Variants in NAALADL1 observed in about 807,000 individuals in gnomAD.
NAALADL1 encodes the protein N-acetylated alpha-linked acidic dipeptidase like 1.
In NAALADL1, 77 loss-of-function variants were observed where a neutral mutation model predicts 82.8. The ratio of observed to expected loss-of-function variants is 0.93; its 90% CI spans 0.77 to 1.12. The LOEUF is 1.12. Among genes scored for constraint, NAALADL1 ranks in the 50% most tolerant of loss-of-function variants. The pLI is 0.00. For synonymous variants in NAALADL1, 358 were observed against 399.2 expected, an observed-to-expected ratio of 0.90 and a Z score of 1.23; for missense variants, 956 against 964.0, an observed-to-expected ratio of 0.99 and a Z score of 0.11.
Position 65,058,415 on chromosome 11 carries a change from G to A in NAALADL1, c.107C>T (p.Ala36Val), listed in dbSNP as rs1401859699. ...GATCTCCAGGTCCAGGTCCTGGGGGGCCAGTGAGTTGGCTTTTTTGGGGAT... is the reference window on the plus strand; with the variant it reads ...GATCTCCAGGTCCAGGTCCTGGGGGACCAGTGAGTTGGCTTTTTTGGGGAT... ...FAIPKKANSL[A>V]PQDLDLEILE... Residue 36 changes from alanine to valine, a missense_variant, in exon 1 of 18, where the codon GCC (alanine) becomes GTC (valine). By Grantham distance (64) the Ala-to-Val change is moderately conservative. Coordinates refer to ENST00000358658, the MANE Select transcript of NAALADL1 (RefSeq NM_005468.3). 3.1e-6 allele frequency: 5 copies of A among 1,614,026 alleles called. No individual in the cohort carries two copies. The highest frequency in any genetic ancestry group is 4.2e-6 in the Non-Finnish European group (5 of 1,180,006).
rs1195799955 is a variant in NAALADL1, at chr11:65,048,207, G to A, written c.1293C>T (p.Phe431=). ...IGSTEFTEEF[F]NKLQERTVAY... ...CCACCGTGCGCTCCTGCAGCTTGTTGAAGAACTCCTGCGGGTGCGAGGGGC... is the reference window on the plus strand; with the variant it reads ...CCACCGTGCGCTCCTGCAGCTTGTTAAAGAACTCCTGCGGGTGCGAGGGGC... Residue 431 remains phenylalanine (F), a synonymous_variant, in exon 10 of 18, where the codon TTC becomes TTT. Transcript: ENST00000358658. 6.2e-7 allele frequency: 1 copy of A among 1,613,692 alleles called. No homozygotes were observed. The highest frequency in any genetic ancestry group is 1.3e-5 in the African/African-American group (1 of 74,790).
chr11:65,049,763 A>T (rs1026708632), intron 8 of NAALADL1, among the ~76,000 whole-genome samples: 28 of 152,230 alleles, frequency 1.8e-4, no homozygotes, highest in Admixed American at 1.4e-3. Context: ...GTCCCAGCTA[A>T]TCAGGAAGCT....
chr11:65,058,212 C>G lies in NAALADL1; in HGVS notation c.224G>C (p.Arg75Pro). 1.2e-6 allele frequency: 2 copies of G among 1,613,600 alleles called. No individual in the cohort carries two copies. Among genetic ancestry groups the G allele is most frequent in the Non-Finnish European group, 1.7e-6 (2 of 1,179,798 alleles). ...SREPHLASSP[R>P]DEDLVQLLLQ... The stretch of plus-strand genomic sequence containing the variant: ...CAGCAGCTGCACCAGGTCCTCATCC[C>G]GAGGGCTGGAGGCCAGGTGTGGCTC... Residue 75 changes from arginine to proline, a missense_variant, in exon 2 of 18, where the codon CGG becomes CCG. Transcript: ENST00000358658.
upstream of NAALADL1, chr11:65,058,644 GGAGA>G: frequency 2.2e-6 from 2 of 896,416 alleles, no homozygotes; most frequent in African/African-American, 1.7e-5. Context: ...CAGCTGGCAG[GGAGA>G]GTGAGGGAAC....
At chr11:65,048,490 G>C in intron 8 of NAALADL1, 105 bp from the exon 9 acceptor site, 1 of 1,292,918 alleles carries the variant, frequency 7.7e-7, no homozygotes, top group Non-Finnish European at 1.1e-6. Flanking sequence ...AAAAGGCGGG[G>C]CAGCTGGTGA....
intron 11 of NAALADL1, 75 bp downstream of exon 11, chr11:65,047,906 C>CCCCCCA: frequency 7.7e-7 from 1 of 1,292,240 alleles, no homozygotes; most frequent in Non-Finnish European, 1.1e-6. Flanking sequence ...CAGCCCCGCC[C>CCCCCCA]ACCCGTAGCG....
chr11:65,053,622 GC>G lies in NAALADL1; in HGVS notation c.993-47del. 2 of 1,506,590 alleles carry G rather than the reference GC, an allele frequency of 1.3e-6. No individual in the cohort carries two copies. The highest frequency in any genetic ancestry group is 1.8e-6 in the Non-Finnish European group (2 of 1,112,054). 93.3% of individuals were successfully genotyped at this position (1,506,590 alleles called of 1,614,324 possible). On this transcript the variant is annotated intron_variant, in intron 6 of 17. Transcript: ENST00000358658. The surrounding 1 kb of genome is among the most constrained non-coding windows in gnomAD (Gnocchi z 4.3). ...GAGAAGACTCTTGGCCTTGCCCACT[GC>G]CCCCGACCCAGTGCAGGAGACACTG...
chr11:65,046,068 G>C lies in NAALADL1; in HGVS notation c.1902C>G (p.Ala634=), dbSNP rs779447723. ...AVEKFEAEAA[A]LGQRISTLQK... ...GCAGTGTTGATATGCGTTGGCCCAAGGCTGCAGCTTCTGCCTCAAACTTCT... is the reference window on the plus strand; with the variant it reads ...GCAGTGTTGATATGCGTTGGCCCAACGCTGCAGCTTCTGCCTCAAACTTCT... Residue 634 remains alanine (A), a synonymous_variant, in exon 16 of 18, where the codon GCC becomes GCG. Coordinates refer to ENST00000358658, the MANE Select transcript of NAALADL1 (RefSeq NM_005468.3). 6.2e-7 allele frequency: 1 copy of C among 1,614,088 alleles called. No individual in the cohort carries two copies. Among genetic ancestry groups the C allele is most frequent in the Non-Finnish European group, 8.5e-7 (1 of 1,180,036 alleles).
At position 65,053,251 on chromosome 11, in the gene NAALADL1, G is replaced by A. The variant is rs1001496584; in HGVS notation, c.1165C>T (p.Leu389Phe). The A allele has an allele frequency of 1.9e-6, 3 of 1,553,522 alleles. No individual in the cohort carries two copies. The highest frequency in any genetic ancestry group is 3.9e-5 in the Admixed American group (2 of 51,022). Residue 389 changes from leucine to phenylalanine, a missense_variant, in exon 8 of 18, where the codon CTC becomes TTC. Leu to Phe is a conservative substitution (Grantham distance 22). Coordinates refer to ENST00000358658, the MANE Select transcript of NAALADL1 (RefSeq NM_005468.3). This position sits in a 1 kb window ranked among gnomAD's most constrained non-coding sequence, Gnocchi z 4.3. ...AGCAGGGTCCCCAGGACACGGGAGAGCTCCAGGAGGACGGCGGTGCCACTG... is the reference window on the plus strand; with the variant it reads ...AGCAGGGTCCCCAGGACACGGGAGAACTCCAGGAGGACGGCGGTGCCACTG... ...PSSGTAVLLE[L>F]SRVLGTLLKK...
chr11:65,047,547 A>T lies in NAALADL1; in HGVS notation c.1527T>A (p.Ala509=). 1.3e-6 allele frequency: 2 copies of T among 1,572,102 alleles called. No individual in the cohort carries two copies. Among genetic ancestry groups the T allele is most frequent in the South Asian group, 2.3e-5 (2 of 85,602 alleles). ...GAACGAAGGGTGCATAGTCGCTGCC[A>T]GCACCCAGAGAACCCAAGCTGCGGG... ...GLVPSLGSLG[A]GSDYAPFVHF... Residue 509 remains alanine (A), a synonymous_variant, in exon 13 of 18, where the codon GCT becomes GCA. Transcript: ENST00000358658.
intron 4 of NAALADL1, 143 bp downstream of exon 4, chr11:65,057,228 C>T (rs1947062677): frequency 7.9e-7 from 1 of 1,273,424 alleles, no homozygotes; most frequent in Non-Finnish European, 1.1e-6. Context: ...AACCCGAAAA[C>T]ACCTTGCCTT....
At chr11:65,057,737 G>A (rs1202983213) in intron 3 of NAALADL1, 138 bp downstream of exon 3, 52 of 1,361,122 alleles carry the variant, frequency 3.8e-5, no homozygotes, top group Non-Finnish European at 4.9e-5. Flanking sequence ...AAGGAGCAGC[G>A]ATGGAGTGTC....
chr11:65,058,278 G>A, intron 1 of NAALADL1, 28 bp from the exon 2 acceptor site: 1 of 1,613,800 alleles, frequency 6.2e-7, no homozygotes, highest in Admixed American at 1.7e-5. Flanking sequence ...GGAGGGGCAG[G>A]GCCAGCATCA....
chr11:65,056,171 C>G (rs1947034097), intron 4 of NAALADL1, among the ~76,000 whole-genome samples: 1 of 152,032 alleles, frequency 6.6e-6, no homozygotes, highest in Non-Finnish European at 1.5e-5. Flanking sequence ...AGGCATGAGC[C>G]ACCGCGTCCA....
chr11:65,045,075 C>T lies in NAALADL1; in HGVS notation c.*196G>A, dbSNP rs945812712. ...CCTGTCCCCTGCTGCCCACCCTCTG[C>T]CACCTAAGCACCAGGATGAGGGTGA... is the stretch of plus-strand genomic sequence containing the variant. On this transcript the variant is annotated 3_prime_UTR_variant, in exon 18 of 18. Coordinates refer to ENST00000358658, the MANE Select transcript of NAALADL1 (RefSeq NM_005468.3). 3.6e-5 allele frequency: 24 copies of T among 663,250 alleles called. No individual in the cohort carries two copies. The African/African-American group carries it at 4.2e-4, about 12-fold the overall frequency. The allele number at this position is 663,250 out of a possible 1,614,324, so 41.1% of individuals were successfully genotyped here. A position where few individuals can be genotyped will look rare whatever the true frequency, so the allele number is the denominator to read the frequency against.
chr11:65,045,490 G>C, intron 17 of NAALADL1, 33 bp from the exon 18 acceptor site: 1 of 1,563,862 alleles, frequency 6.4e-7, no homozygotes, highest in Admixed American at 1.8e-5. Flanking sequence ...ATCAGGGTCA[G>C]TCAGTCAGGG....
At chr11:65,047,955 GC>G in intron 11 of NAALADL1, 25 bp downstream of exon 11, 1 of 1,376,746 alleles carries the variant, frequency 7.3e-7, no homozygotes, top group Non-Finnish European at 9.6e-7. Flanking sequence ...AGCTAGTTCA[GC>G]CCCGCCCGGC....
Position 65,053,756 on chromosome 11 carries a change from A to G in NAALADL1, c.993-180T>C, listed in dbSNP as rs1367398015. On this transcript the variant is annotated intron_variant, in intron 6 of 17. Transcript: ENST00000358658. The surrounding 1 kb of genome is among the most constrained non-coding windows in gnomAD (Gnocchi z 4.3). ...TCTCCTGCCTACTCGCTGGGTAGGT[A>G]CTTATTGGGTACTTAGTCCCTGACT... is the stretch of plus-strand genomic sequence containing the variant. Among the ~76,000 whole-genome samples the G allele has an allele frequency of 6.6e-6, 1 of 152,136 alleles. No individual in the cohort carries two copies. Among genetic ancestry groups the G allele is most frequent in the South Asian group, 2.1e-4 (1 of 4,822 alleles).
At chr11:65,047,361 A>G (rs1946757658) in intron 13 of NAALADL1, 114 bp downstream of exon 13, 1 of 831,288 alleles carries the variant, frequency 1.2e-6, no homozygotes, top group South Asian at 1.8e-5. Context: ...GAAACTTGGC[A>G]GAGGTAGCAA....
Sources: allele counts gnomAD v4.1 joint callset (sites outside exome capture counted in the v4.1 genomes callset), GRCh38; gene constraint gnomAD v4.1.1; non-coding constraint Gnocchi (gnomAD v3.1); transcripts MANE v1.5; gene names NCBI Gene and HGNC (gene_info 2026-07-23, HGNC 2026-07-21).